TUT4: variants seen among roughly 807,000 people sequenced by gnomAD.
TUT4 encodes the protein terminal uridylyl transferase 4, also known as terminal uridylyltransferase 4.
TUT4 carries 36 observed loss-of-function variants against 192.2 expected under a neutral mutation model. The observed-to-expected ratio is 0.19, with a 90% CI of 0.14 to 0.25. The LOEUF (loss-of-function observed/expected upper bound fraction) is 0.25, where lower values mean the gene tolerates loss of function less well. Ranked by LOEUF, TUT4 falls within the 10% of genes least tolerant of loss-of-function variation. The probability of loss-of-function intolerance (pLI) is 1.00; values close to 1 mark genes in which losing one functional copy is unlikely to be tolerated. For missense variants in TUT4, 1,493 were observed against 1,957.2 expected (o/e 0.76, Z 4.47); for synonymous variants, 618 against 666.0 (o/e 0.93, Z 1.11).
At chr1:52,532,694 G>A (rs1683818412) in intron 1 of TUT4, among the ~76,000 whole-genome samples, 1 of 152,056 alleles carries the variant, frequency 6.6e-6, no homozygotes, top group Admixed American at 6.5e-5. Context: ...ACATAACTGT[G>A]CAACGTAAGT....
At chr1:52,489,359 G>C (rs747768110) in intron 8 of TUT4, among the ~76,000 whole-genome samples, 4 of 152,174 alleles carry the variant, frequency 2.6e-5, no homozygotes, top group African/African-American at 4.8e-5. Flanking sequence ...ATATACATGA[G>C]AGACAGGGCA....
intron 24 of TUT4, among the ~76,000 whole-genome samples, chr1:52,445,405 G>A (rs750449419): frequency 6.6e-6 from 1 of 152,172 alleles, no homozygotes; most frequent in East Asian, 1.9e-4. Flanking sequence ...GAAGATAAAA[G>A]AGGGACAATG....
intron 29 of TUT4, chr1:52,424,397 TAAG>T: frequency 5.8e-6 from 1 of 173,596 alleles, no homozygotes; most frequent in Admixed American, 5.7e-5. Context: ...ATGGGTGGTT[TAAG>T]AAGGCTTAAA....
chr1:52,446,099 C>T (rs1372642836), intron 22 of TUT4, 95 bp from the exon 23 acceptor site: 1 of 1,325,944 alleles, frequency 7.5e-7, no homozygotes, highest in Admixed American at 2.2e-5. Context: ...CTTATATGTA[C>T]TCAGACTATA....
chr1:52,452,152 G>A (rs369716691), intron 20 of TUT4, among the ~76,000 whole-genome samples: 2 of 151,988 alleles, frequency 1.3e-5, no homozygotes, highest in Non-Finnish European at 2.9e-5. Context: ...CAAAGACATT[G>A]TAAGTAAAGA....
intron 4 of TUT4, among the ~76,000 whole-genome samples, chr1:52,504,502 C>T (rs1480408524): frequency 6.6e-6 from 1 of 152,024 alleles, no homozygotes; most frequent in Non-Finnish European, 1.5e-5. Flanking sequence ...TGGTGGCATG[C>T]ACTTGTAATC....
rs753304358 is a variant in TUT4, at chr1:52,495,435, G to A, written c.1258C>T (p.Pro420Ser). The change falls in exon 6 of 30, where the codon CCT (proline) becomes TCT (serine). Residue 420 changes from proline (P) to serine (S), a missense_variant. Physicochemically the swap from Pro to Ser is moderately conservative, Grantham distance 74 (BLOSUM62 -1). Coordinates refer to ENST00000257177, the MANE Select transcript of TUT4 (RefSeq NM_001009881.3). ...AGATTCTAATTACTTACCTTGGGAG[G>A]AAATTTTATATCTATATTAACATCA... ...SSDVNIDIKF[P>S]PKMNHPDLLI... 1.7e-5 allele frequency: 28 copies of A among 1,600,646 alleles called. No homozygotes were observed. The South Asian group carries it at 2.5e-4, about 14-fold the overall frequency.
At chr1:52,469,340 G>A (rs1055642038) in intron 14 of TUT4, among the ~76,000 whole-genome samples, 3 of 34,524 alleles carry the variant, frequency 8.7e-5, no homozygotes, top group South Asian at 1.8e-3. Context: ...GAGTGGAATC[G>A]ATAAGACTTA....
chr1:52,453,708 G>C lies in TUT4; in HGVS notation c.3435+4628C>G, dbSNP rs190769096. On this transcript the variant is annotated intron_variant, in intron 20 of 29. Coordinates refer to ENST00000257177, the MANE Select transcript of TUT4 (RefSeq NM_001009881.3). ...CTTTCACCACTCCTTTTCAACATCT[G>C]GGAAGTCTTAGGTAATGCTGACACT... Among the ~76,000 whole-genome samples the C allele has an allele frequency of 7.2e-4, 110 of 152,254 alleles. No homozygotes were observed. The Middle Eastern group carries it at 0.014, about 19-fold the overall frequency.
chr1:52,530,931 A>T (rs1683215539), intron 1 of TUT4, among the ~76,000 whole-genome samples: 1 of 152,174 alleles, frequency 6.6e-6, no homozygotes, highest in South Asian at 2.1e-4. Context: ...TGAGCCCAGG[A>T]GGGAGAGGTT....
At chr1:52,469,739 A>T (rs1482502612) in intron 14 of TUT4, among the ~76,000 whole-genome samples, 1 of 151,830 alleles carries the variant, frequency 6.6e-6, no homozygotes, top group Non-Finnish European at 1.5e-5. Context: ...AAATACAAAA[A>T]ATTAGCCGGG....
At chr1:52,519,457 T>C (rs1337680463) in intron 2 of TUT4, among the ~76,000 whole-genome samples, 1 of 152,170 alleles carries the variant, frequency 6.6e-6, no homozygotes, top group East Asian at 1.9e-4. Flanking sequence ...AGCGCAATTT[T>C]GTGAATATAA....
In TUT4 at chr1:52,481,891, T is replaced by C; in HGVS notation, c.1548A>G (p.Gly516=). The C allele has an allele frequency of 6.3e-7, 1 of 1,595,180 alleles. No homozygotes were observed. Among genetic ancestry groups the C allele is most frequent in the East Asian group, 2.3e-5 (1 of 44,170 alleles). Residue 516 remains glycine, a synonymous_variant, in exon 10 of 30, where the codon GGA becomes GGG. Transcript: ENST00000257177. Reference sequence around the variant, plus strand: ...TTAAAGCAAAACAGTAAGAAGGGATTCCACCATCAGTTTGGGAGTCAATAT... The same window carrying C: ...TTAAAGCAAAACAGTAAGAAGGGATCCCACCATCAGTTTGGGAGTCAATAT... ...LCYIDSQTDG[G]IPSYCFALMV...
chr1:52,493,811 TTG>T (rs1671789134), intron 6 of TUT4, 149 bp from the exon 7 acceptor site: 1 of 624,480 alleles, frequency 1.6e-6, no homozygotes, highest in East Asian at 3.1e-5. Context: ...TGTTTTTTTT[TTG>T]TTTTTTTTTG....
chr1:52,461,888 T>A, intron 16 of TUT4, 119 bp from the exon 17 acceptor site: 1 of 615,868 alleles, frequency 1.6e-6, no homozygotes, highest in Non-Finnish European at 2.8e-6. Flanking sequence ...TATAATAACC[T>A]TGCTACTCCA....
chr1:52,447,488 A>G (rs937991466), intron 20 of TUT4, among the ~76,000 whole-genome samples: 3 of 151,888 alleles, frequency 2.0e-5, no homozygotes, highest in Non-Finnish European at 2.9e-5. Flanking sequence ...AAAAAAAAAA[A>G]AGGAAAATTA....
At chr1:52,530,088 C>T (rs1054977656) in intron 1 of TUT4, among the ~76,000 whole-genome samples, 7 of 152,052 alleles carry the variant, frequency 4.6e-5, no homozygotes, top group Non-Finnish European at 7.4e-5. Context: ...AGCAATCCTC[C>T]TGCCTCGGCT....
At chr1:52,456,935 G>T (rs1014475303) in intron 20 of TUT4, among the ~76,000 whole-genome samples, 2 of 152,272 alleles carry the variant, frequency 1.3e-5, no homozygotes, top group African/African-American at 4.8e-5. Flanking sequence ...GGTTAATAAT[G>T]GGGGAGGCTA....
chr1:52,446,216 G>A (rs770778491), intron 22 of TUT4, 49 bp downstream of exon 22: 63 of 1,550,462 alleles, frequency 4.1e-5, no homozygotes, highest in Admixed American at 6.1e-5. Context: ...CCTCAATTTC[G>A]TTGACCAAAT....
Sources: allele counts gnomAD v4.1 joint callset (sites outside exome capture counted in the v4.1 genomes callset), GRCh38; gene constraint gnomAD v4.1.1; transcripts MANE v1.5; gene names NCBI Gene and HGNC (gene_info 2026-07-23, HGNC 2026-07-21).